The following SPEG variants were observed in gnomAD, a reference collection of about 807,000 sequenced individuals.
SPEG encodes the protein striated muscle preferentially expressed protein kinase.
SPEG carries 114 observed loss-of-function variants against 300.4 expected under a neutral mutation model. The observed-to-expected ratio is 0.38, with a 90% CI of 0.33 to 0.44. SPEG has a LOEUF of 0.44. Among genes scored for constraint, SPEG ranks in the 20% least tolerant of loss-of-function variants. The pLI is 1.00. For synonymous variants in SPEG, 1,964 were observed against 2,018.9 expected (o/e 0.97, Z 0.73); for missense variants, 4,201 against 4,586.2 (o/e 0.92, Z 2.43).
At chr2:219,471,176 G>A (rs887135872) in intron 13 of SPEG, among the ~76,000 whole-genome samples, 1 of 152,144 alleles carries the variant, frequency 6.6e-6, no homozygotes, top group East Asian at 1.9e-4. Context: ...GGGCAGGGGG[G>A]CTTCATGGGC....
rs1323631698 is a variant in SPEG at position 219,489,828 on chromosome 2, A to G, written c.8810A>G (p.Glu2937Gly). The G allele has an allele frequency of 6.2e-7, 1 of 1,613,476 alleles. No homozygotes were observed. The highest frequency in any genetic ancestry group is 8.5e-7 in the Non-Finnish European group (1 of 1,179,856). The stretch of plus-strand genomic sequence containing the variant: ...GTGCAGAGCCTCAGCCCGGCCAAGG[A>G]GGTGGTCAGCTCCCCTGGGAGCAGT... ...VTVQSLSPAK[E>G]VVSSPGSSPR... is the part of the protein sequence containing the mutation. The change falls in exon 36 of 41, where the codon GAG (glutamate) becomes GGG (glycine). Residue 2937 changes from glutamate (E) to glycine (G), a missense_variant. Physicochemically the swap from Glu to Gly is moderately conservative, Grantham distance 98. Around this residue, in one of 4 missense-constraint regions of SPEG, gnomAD observed 1,578 missense variants for 1,506.0 expected, o/e 1.05. Coordinates refer to ENST00000312358, the MANE Select transcript of SPEG (RefSeq NM_005876.5).
At chr2:219,462,736 C>T (rs949106909) in intron 8 of SPEG, among the ~76,000 whole-genome samples, 5 of 152,126 alleles carry the variant, frequency 3.3e-5, no homozygotes, top group Non-Finnish European at 1.5e-5. Flanking sequence ...GCCAGCATGG[C>T]GAAGCCCTGT....
In SPEG at chr2:219,461,189, GCC is replaced by G. The variant is rs1458512309; in HGVS notation, c.2441-688_2441-687del. ...CCCCTCCCCCAAGGCTGACTCTGGT[GCC>G]CCCCTCCTCTTCCCCCAGGCTGAGC... On this transcript the variant is annotated intron_variant, in intron 6 of 40. Coordinates refer to ENST00000312358, the MANE Select transcript of SPEG (RefSeq NM_005876.5). The G allele has an allele frequency of 8.1e-6, 8 of 983,826 alleles. No homozygotes were observed. The South Asian group carries it at 3.8e-4, about 46-fold the overall frequency. 60.9% of individuals were successfully genotyped at this position (983,826 alleles called of 1,614,324 possible). A position where few individuals can be genotyped will look rare whatever the true frequency, so the allele number is the denominator to read the frequency against.
chr2:219,481,784 G>T lies in SPEG; in HGVS notation c.5565+104G>T. 1 of 993,402 alleles carries T rather than the reference G, an allele frequency of 1.0e-6. No individual in the cohort carries two copies. Among genetic ancestry groups the T allele is most frequent in the Non-Finnish European group, 1.6e-6 (1 of 623,628 alleles). 61.5% of individuals were successfully genotyped at this position (993,402 alleles called of 1,614,324 possible). On this transcript the variant is annotated intron_variant, in intron 28 of 40. Coordinates refer to ENST00000312358, the MANE Select transcript of SPEG (RefSeq NM_005876.5). The surrounding 1 kb of genome is among the most constrained non-coding windows in gnomAD (Gnocchi z 5.4). Reference sequence around the variant, plus strand: ...CTACTGTGTGCAGTAACCACGTTAGGCATTGTATGTACATATGACGTATTA... The same window carrying T: ...CTACTGTGTGCAGTAACCACGTTAGTCATTGTATGTACATATGACGTATTA...
chr2:219,443,194 C>G lies in SPEG; in HGVS notation c.389-1459C>G. ...TCCTTGCTCTAGCCCATGCCTACTC[C>G]TCCTCTTGGTCCCTGTCCCTCTGTG... is the stretch of plus-strand genomic sequence containing the variant. On this transcript the variant is annotated intron_variant, in intron 1 of 40. Transcript: ENST00000312358. The surrounding 1 kb of genome is among the most constrained non-coding windows in gnomAD (Gnocchi z 4.6). 6.3e-7 allele frequency: 1 copy of G among 1,594,832 alleles called. No individual in the cohort carries two copies. The highest frequency in any genetic ancestry group is 1.1e-5 in the South Asian group (1 of 90,758).
chr2:219,487,584 G>C (rs1165171211), intron 31 of SPEG, among the ~76,000 whole-genome samples: 1 of 152,184 alleles, frequency 6.6e-6, no homozygotes, highest in Non-Finnish European at 1.5e-5. Flanking sequence ...CCACTTAATT[G>C]ACCTGAAGGA....
In SPEG at chr2:219,482,831, C is replaced by T; in HGVS notation, c.5613C>T (p.Phe1871=). Residue 1871 remains phenylalanine, a synonymous_variant, in exon 29 of 41, where the codon TTC becomes TTT. Transcript: ENST00000312358. ...AEVSTDHLKL[F]LSRRRWQRSQ... is the part of the protein sequence containing the mutation. The stretch of plus-strand genomic sequence containing the variant: ...TGAGCACGGATCACCTGAAGCTATT[C>T]CTCTCCCGGCGGAGGTGGCAGGTAA... 1 of 1,613,896 alleles carries T rather than the reference C, an allele frequency of 6.2e-7. No homozygotes were observed. The highest frequency in any genetic ancestry group is 1.3e-5 in the African/African-American group (1 of 75,036).
At chr2:219,462,113 C>A in intron 7 of SPEG, 56 bp downstream of exon 7, 4 of 1,406,540 alleles carry the variant, frequency 2.8e-6, no homozygotes, top group Non-Finnish European at 3.9e-6. Context: ...CCTTTGGGTG[C>A]CCCCTTGTTC....
In SPEG at chr2:219,468,940, G is replaced by A. The variant is rs765899124; in HGVS notation, c.3383G>A (p.Ser1128Asn). Reference protein sequence around the residue: ...LHSLHIAHVGSEDEGLYAVSA... With the variant: ...LHSLHIAHVGNEDEGLYAVSA... ...TCACTGCACATTGCCCATGTGGGCA[G>A]CGAGGACGAGGGGCTCTATGCGGTC... The change falls in exon 12 of 41, where the codon AGC (serine) becomes AAC (asparagine). Residue 1128 changes from serine (S) to asparagine (N), a missense_variant. Around this residue, in one of 4 missense-constraint regions of SPEG, gnomAD observed 1,047 missense variants for 1,356.8 expected, o/e 0.77. Coordinates refer to ENST00000312358, the MANE Select transcript of SPEG (RefSeq NM_005876.5). The A allele has an allele frequency of 1.2e-5, 20 of 1,613,886 alleles. No homozygotes were observed. The East Asian group carries it at 4.0e-4, about 32-fold the overall frequency.
chr2:219,448,103 G>C lies in SPEG; in HGVS notation c.945G>C (p.Arg315=), dbSNP rs1231816098. The C allele has an allele frequency of 1.9e-6, 3 of 1,603,922 alleles. No homozygotes were observed. In the South Asian group the frequency reaches 3.3e-5, roughly 18 times the overall value. ...KSALLPPPSP[R]VGKRSPPGPP... ...CGCTGCTCCCCCCACCGTCCCCTCG[G>C]GTCGGGAAGCGGTCCCCGCCGGGAC... Residue 315 remains arginine, a synonymous_variant, in exon 4 of 41, where the codon CGG becomes CGC. Transcript: ENST00000312358.
chr2:219,483,043 G>A (rs371505416), intron 29 of SPEG, 55 bp from the exon 30 acceptor site: 32 of 1,543,450 alleles, frequency 2.1e-5, no homozygotes, highest in East Asian at 1.7e-4. Context: ...GGGCCTGGGG[G>A]GGACAATCCT....
At position 219,473,057 on chromosome 2, in the gene SPEG, C is replaced by T; in HGVS notation, c.4108C>T (p.Pro1370Ser). Residue 1370 changes from proline to serine, a missense_variant, in exon 16 of 41, where the codon CCC (proline) becomes TCC (serine). Around this residue, in one of 4 missense-constraint regions of SPEG, gnomAD observed 1,047 missense variants for 1,356.8 expected, o/e 0.77. Coordinates refer to ENST00000312358, the MANE Select transcript of SPEG (RefSeq NM_005876.5). The surrounding 1 kb of genome is among the most constrained non-coding windows in gnomAD (Gnocchi z 4.6). ...LSTTVKSSSK[P>S]SPPSEPVQLL... ...CACCACTGTCAAGAGCAGCAGCAAG[C>T]CCTCACCCCCTTCTGAGCCTGTGCA... is the stretch of plus-strand genomic sequence containing the variant. 1 of 1,613,954 alleles carries T rather than the reference C, an allele frequency of 6.2e-7. No individual in the cohort carries two copies. The highest frequency in any genetic ancestry group is 8.5e-7 in the Non-Finnish European group (1 of 1,180,016).
intron 3 of SPEG, among the ~76,000 whole-genome samples, chr2:219,447,444 A>G (rs1361658943): frequency 2.0e-5 from 3 of 152,142 alleles, no homozygotes; most frequent in Non-Finnish European, 2.9e-5. Flanking sequence ...CTGCCCCCCA[A>G]AAGGCTTGTG....
Position 219,477,240 on chromosome 2 carries a change from G to A in SPEG, c.4561-37G>A. On this transcript the variant is annotated intron_variant, in intron 19 of 40. Coordinates refer to ENST00000312358, the MANE Select transcript of SPEG (RefSeq NM_005876.5). This position sits in a 1 kb window ranked among gnomAD's most constrained non-coding sequence, Gnocchi z 6.4. ...GCCCTGGCCCCAAGGTAGAGATGAGGCCAGGCCCAGGCTGAAGGTGAGACC... is the reference window on the plus strand; with the variant it reads ...GCCCTGGCCCCAAGGTAGAGATGAGACCAGGCCCAGGCTGAAGGTGAGACC... The A allele has an allele frequency of 1.3e-6, 2 of 1,589,836 alleles. No homozygotes were observed. The highest frequency in any genetic ancestry group is 1.7e-6 in the Non-Finnish European group (2 of 1,170,944).
In SPEG at chr2:219,449,010, C is replaced by T. The variant is rs1257216473; in HGVS notation, c.1852C>T (p.Pro618Ser). The T allele has an allele frequency of 2.7e-6, 4 of 1,476,716 alleles. No homozygotes were observed. The highest frequency in any genetic ancestry group is 3.6e-6 in the Non-Finnish European group (4 of 1,116,524). The allele number at this position is 1,476,716 out of a possible 1,614,324, so 91.5% of individuals were successfully genotyped here. ...CCCTGTGCCGCCCCCCGCCGCCGAT[C>T]CCCCAGAGGCCAGGACGAAAGCACC... is the stretch of plus-strand genomic sequence containing the variant. ...RSPVPPPAAD[P>S]PEARTKAPPG... Residue 618 changes from proline (P) to serine (S), a missense_variant, in exon 4 of 41, where the codon CCC becomes TCC. Transcript: ENST00000312358.
Position 219,479,877 on chromosome 2 carries a change from A to G in SPEG, c.5163+17A>G. 1 of 1,613,976 alleles carries G rather than the reference A, an allele frequency of 6.2e-7. No individual in the cohort carries two copies. The highest frequency in any genetic ancestry group is 8.5e-7 in the Non-Finnish European group (1 of 1,179,892). ...GATGTCAAGGTGAGGTGGGGACTGG[A>G]GAGCAGACAGCCCCTGTGGGAGCCA... is the stretch of plus-strand genomic sequence containing the variant. On this transcript the variant is annotated intron_variant, in intron 24 of 40. Coordinates refer to ENST00000312358, the MANE Select transcript of SPEG (RefSeq NM_005876.5). The surrounding 1 kb of genome is among the most constrained non-coding windows in gnomAD (Gnocchi z 5.5).
rs917210914 is a variant in SPEG at position 219,459,300 on chromosome 2, G to A, written c.2441-2582G>A. Among the ~76,000 whole-genome samples, 1 of 152,250 alleles carries A rather than the reference G, an allele frequency of 6.6e-6. No individual in the cohort carries two copies. The highest frequency in any genetic ancestry group is 1.5e-5 in the Non-Finnish European group (1 of 68,044). The stretch of plus-strand genomic sequence containing the variant: ...GTTTGCCACAGTGAGAGTTGGGCTT[G>A]TGGGTGCAGCAGGGCTGGGATGTCA... On this transcript the variant is annotated intron_variant, in intron 6 of 40. Transcript: ENST00000312358. This position sits in a 1 kb window ranked among gnomAD's most constrained non-coding sequence, Gnocchi z 4.9.
At chr2:219,475,870 C>T (rs941609300) in intron 18 of SPEG, among the ~76,000 whole-genome samples, 1 of 152,212 alleles carries the variant, frequency 6.6e-6, no homozygotes, top group Non-Finnish European at 1.5e-5. Context: ...CCTTCCTCCA[C>T]GTCAACCTCA....
At chr2:219,465,859 ATGTGTGTGCG>A (rs1337018994) in intron 9 of SPEG, 6 of 601,066 alleles carry the variant, frequency 1.0e-5, no homozygotes, top group Non-Finnish European at 1.5e-5. Flanking sequence ...ATGTGTGTGC[ATGTGTGTGCG>A]TGTGTGCGTG....
Sources: allele counts gnomAD v4.1 joint callset (sites outside exome capture counted in the v4.1 genomes callset), GRCh38; gene constraint gnomAD v4.1.1; regional missense constraint gnomAD v4.1.1; non-coding constraint Gnocchi (gnomAD v3.1); transcripts MANE v1.5; gene names NCBI Gene and HGNC (gene_info 2026-07-23, HGNC 2026-07-21).